The following FAM135A variants were observed in gnomAD, a reference collection of about 807,000 sequenced individuals.
FAM135A encodes family with sequence similarity 135 member A.
In FAM135A, 79 loss-of-function variants were observed where a neutral mutation model predicts 146.8. The observed-to-expected ratio is 0.54, with a 90% CI of 0.45 to 0.65. The LOEUF (loss-of-function observed/expected upper bound fraction) is 0.65. FAM135A is among the 30% of genes least tolerant of loss of function. The pLI, the probability that FAM135A is intolerant of heterozygous loss-of-function variation, is 0.00. For synonymous variants in FAM135A, 562 were observed against 603.6 expected (o/e 0.93, Z 1.01); for missense variants, 1,623 against 1,758.2 (o/e 0.92, Z 1.38).
intron 4 of FAM135A, among the ~76,000 whole-genome samples, chr6:70,433,166 C>A (rs781613013): frequency 2.0e-5 from 3 of 151,868 alleles, no homozygotes; most frequent in Non-Finnish European, 4.4e-5. Flanking sequence ...GCTCCGCCTC[C>A]CGGGTTCATG....
rs10718433 is a variant in FAM135A, at chr6:70,481,648, TAAA to T, written c.670-342_670-340del. On this transcript the variant is annotated intron_variant, in intron 9 of 21. Coordinates refer to ENST00000418814, the MANE Select transcript of FAM135A (RefSeq NM_001162529.3). The stretch of plus-strand genomic sequence containing the variant: ...ACCCTATATCTAAAAAAAAGAAAAT[TAAA>T]AAAAAAAAAAGAGTGGTACAAGTAC... Among the ~76,000 whole-genome samples, 9 of 131,548 alleles carry T rather than the reference TAAA, an allele frequency of 6.8e-5. No individual in the cohort carries two copies. In the South Asian group the frequency reaches 2.1e-3, roughly 31 times the overall value. 86.3% of individuals were successfully genotyped at this position (131,548 alleles called of 152,430 possible).
At chr6:70,414,130 T>G (rs1410525337) in intron 1 of FAM135A, 1 of 775,260 alleles carries the variant, frequency 1.3e-6, no homozygotes, top group African/African-American at 1.9e-5. Context: ...TGGTCCCTCC[T>G]TGGGAAGCAG....
At chr6:70,438,359 C>G (rs1366551904) in intron 4 of FAM135A, among the ~76,000 whole-genome samples, 2 of 152,194 alleles carry the variant, frequency 1.3e-5, no homozygotes, top group Non-Finnish European at 2.9e-5. Flanking sequence ...CCACCTCAGT[C>G]TGAAAACATT....
At chr6:70,432,076 C>G (rs111756779) in intron 4 of FAM135A, among the ~76,000 whole-genome samples, 1 of 152,036 alleles carries the variant, frequency 6.6e-6, no homozygotes, top group Non-Finnish European at 1.5e-5. Context: ...AATTTTAACA[C>G]GGTGTTGTGT....
chr6:70,531,718 A>T (rs1191783618), intron 16 of FAM135A, among the ~76,000 whole-genome samples: 1 of 152,082 alleles, frequency 6.6e-6, no homozygotes, highest in Non-Finnish European at 1.5e-5. Flanking sequence ...TAAACAAGTT[A>T]CCCATTTGTA....
intron 3 of FAM135A, 126 bp from the exon 4 acceptor site, chr6:70,428,178 A>C (rs1344734470): frequency 4.0e-6 from 2 of 501,050 alleles, no homozygotes; most frequent in East Asian, 6.6e-5. Flanking sequence ...TGTTAAGTAC[A>C]CTGAAATAAT....
chr6:70,436,512 T>C (rs1401868530), intron 4 of FAM135A, among the ~76,000 whole-genome samples: 1 of 152,214 alleles, frequency 6.6e-6, no homozygotes, highest in Non-Finnish European at 1.5e-5. Context: ...GGGGTACATT[T>C]AGTCTGAATC....
chr6:70,547,593 G>A (rs1799084174), intron 20 of FAM135A, among the ~76,000 whole-genome samples: 1 of 152,028 alleles, frequency 6.6e-6, no homozygotes. Context: ...ATATTCCTTG[G>A]AGCAGAAAAT....
At chr6:70,440,278 G>T (rs982214773) in intron 4 of FAM135A, among the ~76,000 whole-genome samples, 6 of 152,136 alleles carry the variant, frequency 3.9e-5, no homozygotes, top group African/African-American at 1.4e-4. Flanking sequence ...TGATATGATT[G>T]ATTCAGGTGT....
chr6:70,491,983 A>C (rs1439453134), intron 11 of FAM135A, among the ~76,000 whole-genome samples: 3 of 151,896 alleles, frequency 2.0e-5, no homozygotes, highest in Non-Finnish European at 3.0e-5. Flanking sequence ...CAATCATTTT[A>C]ATGAGTCCAA....
At chr6:70,549,811 CTG>C (rs1342445295) in intron 20 of FAM135A, among the ~76,000 whole-genome samples, 1 of 152,298 alleles carries the variant, frequency 6.6e-6, no homozygotes, top group Middle Eastern at 3.4e-3. Context: ...AAAGATATCT[CTG>C]TAGCATATGA....
intron 5 of FAM135A, among the ~76,000 whole-genome samples, chr6:70,470,828 T>C (rs1207018805): frequency 2.0e-5 from 3 of 152,274 alleles, no homozygotes; most frequent in African/African-American, 4.8e-5. Flanking sequence ...CAAAGACTTT[T>C]GAGTTTTGCC....
At chr6:70,483,497 T>A (rs1475409709) in intron 10 of FAM135A, among the ~76,000 whole-genome samples, 2 of 152,204 alleles carry the variant, frequency 1.3e-5, no homozygotes, top group Non-Finnish European at 2.9e-5. Flanking sequence ...CCTGTTTCCC[T>A]TAGGAAAATT....
At chr6:70,475,344 C>A in intron 5 of FAM135A, 66 bp from the exon 6 acceptor site, 1 of 1,282,486 alleles carries the variant, frequency 7.8e-7, no homozygotes. Flanking sequence ...TTTTAAAGTA[C>A]AAGTGTTAAT....
intron 11 of FAM135A, 152 bp downstream of exon 11, chr6:70,491,235 G>T (rs1292180262): frequency 8.4e-6 from 5 of 595,552 alleles, no homozygotes; most frequent in Non-Finnish European, 1.4e-5. Context: ...AACTTAGGTG[G>T]TCAAAATTCA....
At chr6:70,503,930 A>C (rs1322384680) in intron 12 of FAM135A, 1 of 152,204 alleles carries the variant, frequency 6.6e-6, no homozygotes, top group Non-Finnish European at 1.5e-5. Flanking sequence ...ACTTGTGGCT[A>C]TTACAAACCA....
chr6:70,525,619 C>T lies in FAM135A; in HGVS notation c.2535C>T (p.Ser845=), dbSNP rs759119159. ...SSLTSINSLP[S]DDELSPDENS... The stretch of plus-strand genomic sequence containing the variant: ...TGACATCCATAAACTCTCTACCCTC[C>T]GATGATGAACTGTCACCTGATGAAA... Residue 845 remains serine (S), a synonymous_variant, in exon 15 of 22, where the codon TCC becomes TCT. Transcript: ENST00000418814. 19 of 1,613,236 alleles carry T rather than the reference C, an allele frequency of 1.2e-5. No homozygotes were observed. The highest frequency in any genetic ancestry group is 2.2e-5 in the South Asian group (2 of 91,042).
chr6:70,414,053 C>T lies in FAM135A; in HGVS notation c.-220+351C>T, dbSNP rs145603320. The T allele has an allele frequency of 4.4e-3, 4,376 of 985,458 alleles. 150 individuals are homozygous for T. In the African/African-American group the frequency reaches 0.07, roughly 16 times the overall value. The allele number at this position is 985,458 out of a possible 1,614,324, so 61.0% of individuals were successfully genotyped here. A position where few individuals can be genotyped will look rare whatever the true frequency, so the allele number is the denominator to read the frequency against. ...CCTGCTCCATCTTCGTCGCTCTGTC[C>T]CTCCTTTACCCGCTTTCGTGGTTCT... On this transcript the variant is annotated intron_variant, in intron 1 of 21. Transcript: ENST00000418814.
At chr6:70,442,513 A>G (rs982508153) in intron 4 of FAM135A, among the ~76,000 whole-genome samples, 5 of 152,088 alleles carry the variant, frequency 3.3e-5, no homozygotes, top group African/African-American at 9.7e-5. Flanking sequence ...TCCTCATCCC[A>G]TAGGTAACCA....
Sources: allele counts gnomAD v4.1 joint callset (sites outside exome capture counted in the v4.1 genomes callset), GRCh38; gene constraint gnomAD v4.1.1; transcripts MANE v1.5; gene names NCBI Gene and HGNC (gene_info 2026-07-23, HGNC 2026-07-21).